Variants in MAML2 observed in about 807,000 individuals in gnomAD.
MAML2 encodes mastermind-like protein 2.
In MAML2, 22 loss-of-function variants were observed where a neutral mutation model predicts 96.1. The observed-to-expected ratio is 0.23, with a 90% CI of 0.16 to 0.33. The LOEUF (loss-of-function observed/expected upper bound fraction) is 0.33. Ranked by LOEUF, MAML2 falls within the 10% of genes least tolerant of loss-of-function variation. The probability of loss-of-function intolerance (pLI) is 1.00; values close to 1 mark genes in which losing one functional copy is unlikely to be tolerated. For synonymous variants in MAML2, 561 were observed against 521.3 expected, an observed-to-expected ratio of 1.08 and a Z score of -1.04; for missense variants, 1,367 against 1,392.4, an observed-to-expected ratio of 0.98 and a Z score of 0.29.
At chr11:95,996,257 A>G (rs965955582) in intron 2 of MAML2, among the ~76,000 whole-genome samples, 1 of 152,260 alleles carries the variant, frequency 6.6e-6, no homozygotes, top group South Asian at 2.1e-4. Flanking sequence ...AGAGGTAGAC[A>G]GAGTGCTCAA....
chr11:96,252,413 C>T (rs1418262893), intron 1 of MAML2, among the ~76,000 whole-genome samples: 4 of 149,842 alleles, frequency 2.7e-5, no homozygotes, highest in Non-Finnish European at 4.4e-5. Context: ...CAGCGCTTTA[C>T]CTTGACTAAC....
rs569425896 is a variant in MAML2, at chr11:96,331,173, G to C, written c.513+10210C>G. 2.3e-3 allele frequency among the ~76,000 whole-genome samples: 348 copies of C among 152,214 alleles called. 1 individual carries two copies. Among genetic ancestry groups the C allele is most frequent in the African/African-American group, 8.0e-3 (333 of 41,556 alleles). ...GCAGTCCCAGCTACTCAGAAGGCTG[G>C]CGGGGAGGATCACTTGAGCCCAGGA... is the stretch of plus-strand genomic sequence containing the variant. On this transcript the variant is annotated intron_variant, in intron 1 of 4. Coordinates refer to ENST00000524717, the MANE Select transcript of MAML2 (RefSeq NM_032427.4).
At chr11:96,212,914 T>C (rs1201013527) in intron 1 of MAML2, among the ~76,000 whole-genome samples, 1 of 152,182 alleles carries the variant, frequency 6.6e-6, no homozygotes, top group African/African-American at 2.4e-5. Context: ...AAATTATTGA[T>C]GAATGAACTT....
chr11:96,256,259 A>G (rs931888596), intron 1 of MAML2, among the ~76,000 whole-genome samples: 3 of 152,144 alleles, frequency 2.0e-5, no homozygotes, highest in Non-Finnish European at 2.9e-5. Context: ...CGATACAGCT[A>G]GGAAGTCAGG....
chr11:96,098,172 G>C (rs1258992551), intron 1 of MAML2, among the ~76,000 whole-genome samples: 7 of 152,164 alleles, frequency 4.6e-5, no homozygotes, highest in Admixed American at 3.9e-4. Context: ...GACATCACTG[G>C]TGGGAGGTTG....
Position 96,124,051 on chromosome 11 carries a change from C to T in MAML2, c.514-30534G>A, listed in dbSNP as rs11021442. On this transcript the variant is annotated intron_variant, in intron 1 of 4. Coordinates refer to ENST00000524717, the MANE Select transcript of MAML2 (RefSeq NM_032427.4). ...GGCCACTATACTCCAGCCTGGGCAACGAGCAACGAGCAACCAGCAACGAGC... is the reference window on the plus strand; with the variant it reads ...GGCCACTATACTCCAGCCTGGGCAATGAGCAACGAGCAACCAGCAACGAGC... Among the ~76,000 whole-genome samples, 90 of 133,526 alleles carry T rather than the reference C, an allele frequency of 6.7e-4. No individual in the cohort carries two copies. In the East Asian group the frequency reaches 0.014, roughly 21 times the overall value. 87.6% of individuals were successfully genotyped at this position (133,526 alleles called of 152,430 possible). A position where few individuals can be genotyped will look rare whatever the true frequency, so the allele number is the denominator to read the frequency against.
chr11:96,044,900 A>T (rs753889183), intron 2 of MAML2, among the ~76,000 whole-genome samples: 26 of 152,340 alleles, frequency 1.7e-4, no homozygotes, highest in Non-Finnish European at 2.6e-4. Context: ...TATCAGGATG[A>T]CTTTCGTGAA....
intron 2 of MAML2, among the ~76,000 whole-genome samples, chr11:95,999,990 G>T (rs1299607448): frequency 6.6e-6 from 1 of 152,130 alleles, no homozygotes; most frequent in Non-Finnish European, 1.5e-5. Context: ...GTCTGCCGAT[G>T]AAGCCATTTA....
chr11:96,065,970 T>G (rs1044348761), intron 2 of MAML2, among the ~76,000 whole-genome samples: 2 of 152,144 alleles, frequency 1.3e-5, no homozygotes, highest in Non-Finnish European at 2.9e-5. Context: ...ATCCACACAT[T>G]CTCCTGCATC....
At chr11:96,051,096 G>A (rs1319387400) in intron 2 of MAML2, among the ~76,000 whole-genome samples, 1 of 152,180 alleles carries the variant, frequency 6.6e-6, no homozygotes, top group Non-Finnish European at 1.5e-5. Flanking sequence ...CTTTCTGGAA[G>A]AGATCTGAAA....
intron 2 of MAML2, among the ~76,000 whole-genome samples, chr11:96,010,750 G>T (rs1033938174): frequency 2.0e-5 from 3 of 152,178 alleles, no homozygotes; most frequent in Admixed American, 1.3e-4. Context: ...GAGAGAAAGA[G>T]AGACAGAGAA....
At position 95,977,092 on chromosome 11, in the gene MAML2, C is replaced by T. The variant is rs576979072; in HGVS notation, c.*1856G>A. The T allele has an allele frequency of 2.0e-5, 4 of 199,512 alleles. No individual in the cohort carries two copies. The highest frequency in any genetic ancestry group is 3.8e-4 in the South Asian group (2 of 5,228). 12.4% of individuals were successfully genotyped at this position (199,512 alleles called of 1,614,324 possible). ...AGCCTCTTGATAGTTTTCAAAAGTT[C>T]CCACTCAACCACCTATGGTTTAAGT... On this transcript the variant is annotated 3_prime_UTR_variant, in exon 5 of 5. Transcript: ENST00000524717.
intron 2 of MAML2, among the ~76,000 whole-genome samples, chr11:96,011,388 T>G (rs1240698219): frequency 6.6e-6 from 1 of 152,090 alleles, no homozygotes; most frequent in Non-Finnish European, 1.5e-5. Flanking sequence ...TACATAGCCA[T>G]AAAAAAGAAT....
chr11:96,157,764 A>G (rs1164939706), intron 1 of MAML2, among the ~76,000 whole-genome samples: 2 of 152,346 alleles, frequency 1.3e-5, no homozygotes, highest in Admixed American at 1.3e-4. Flanking sequence ...AAGCTTGTAC[A>G]TGTGGGTTCC....
At chr11:96,198,850 C>T (rs1386108094) in intron 1 of MAML2, among the ~76,000 whole-genome samples, 1 of 152,040 alleles carries the variant, frequency 6.6e-6, no homozygotes, top group African/African-American at 2.4e-5. Flanking sequence ...GACAGAGTGA[C>T]TAAGATTTAC....
In MAML2 at chr11:95,977,241, A is replaced by G. The variant is rs1032810862; in HGVS notation, c.*1707T>C. The G allele has an allele frequency of 2.2e-5, 4 of 184,602 alleles. No homozygotes were observed. Among genetic ancestry groups the G allele is most frequent in the Non-Finnish European group, 4.6e-5 (4 of 87,032 alleles). 11.4% of individuals were successfully genotyped at this position (184,602 alleles called of 1,614,324 possible). On this transcript the variant is annotated 3_prime_UTR_variant, in exon 5 of 5. Transcript: ENST00000524717. Reference sequence around the variant, plus strand: ...GTATATTTATTTCACATATGTATAAATATAACCCAAAGAATATGTTTGAAG... The same window carrying G: ...GTATATTTATTTCACATATGTATAAGTATAACCCAAAGAATATGTTTGAAG...
intron 1 of MAML2, among the ~76,000 whole-genome samples, chr11:96,322,013 G>A (rs373154845): frequency 6.6e-5 from 10 of 152,088 alleles, no homozygotes; most frequent in African/African-American, 1.9e-4. Flanking sequence ...ATTGCTTTTG[G>A]TAAATATGAG....
intron 2 of MAML2, among the ~76,000 whole-genome samples, chr11:96,056,186 C>T (rs905979596): frequency 2.6e-5 from 4 of 152,118 alleles, no homozygotes; most frequent in Admixed American, 6.5e-5. Flanking sequence ...TCTAACAGGG[C>T]ATCCCTGCCC....
intron 2 of MAML2, among the ~76,000 whole-genome samples, chr11:96,068,852 T>G (rs1436169418): frequency 6.7e-6 from 1 of 149,944 alleles, no homozygotes; most frequent in Non-Finnish European, 1.5e-5. Context: ...AAAGAAGGTA[T>G]GTATTTTAGC....
Sources: gnomAD v4.1 joint callset for allele counts (sites outside exome capture counted in the v4.1 genomes callset) on GRCh38, gnomAD v4.1.1 for gene constraint, MANE v1.5 for transcripts, NCBI Gene and HGNC (gene_info 2026-07-23, HGNC 2026-07-21) for gene names.